Variants in NRXN1 observed in about 807,000 individuals in gnomAD.
The protein encoded by NRXN1 is neurexin 1, also known as neurexin-1.
In NRXN1, 39 loss-of-function variants were observed where a neutral mutation model predicts 150.9. That is an observed-to-expected ratio of 0.26 (90% CI 0.20 to 0.34). NRXN1 has a LOEUF of 0.34. Ranked by LOEUF, NRXN1 falls within the 10% of genes least tolerant of loss-of-function variation. The pLI is 1.00. For missense variants in NRXN1, 1,815 were observed against 1,949.9 expected (o/e 0.93, Z 1.30); for synonymous variants, 924 against 757.0 (o/e 1.22, Z -3.62).
intron 17 of NRXN1, among the ~76,000 whole-genome samples, chr2:50,426,153 TG>T (rs1440746171): frequency 5.5e-4 from 83 of 152,238 alleles, no homozygotes; most frequent in African/African-American, 2.0e-3. Context: ...TAAACTATCA[TG>T]TGGAAACTTG....
At chr2:50,430,916 C>T (rs1163058500) in intron 17 of NRXN1, among the ~76,000 whole-genome samples, 2 of 152,184 alleles carry the variant, frequency 1.3e-5, no homozygotes, top group African/African-American at 4.8e-5. Context: ...TCTTCACCTT[C>T]AAGCTCAGAA....
intron 2 of NRXN1, among the ~76,000 whole-genome samples, chr2:50,956,719 A>AT (rs1247381756): frequency 1.1e-4 from 17 of 151,632 alleles, no homozygotes; most frequent in Admixed American, 1.1e-3. Flanking sequence ...TATCTCAAAA[A>AT]ATATATAATA....
intron 18 of NRXN1, chr2:50,174,724 T>C (rs1574321828): frequency 6.6e-6 from 1 of 152,290 alleles, no homozygotes; most frequent in East Asian, 1.9e-4. Context: ...TTGGAAGGAT[T>C]AAATAAATTA....
At chr2:50,387,343 G>C (rs1284330482) in intron 17 of NRXN1, among the ~76,000 whole-genome samples, 1 of 152,004 alleles carries the variant, frequency 6.6e-6, no homozygotes, top group African/African-American at 2.4e-5. Context: ...TGAGAGATAA[G>C]AAAACACCTG....
intron 21 of NRXN1, among the ~76,000 whole-genome samples, chr2:49,989,201 G>C (rs965907189): frequency 1.3e-5 from 2 of 152,164 alleles, no homozygotes; most frequent in Admixed American, 1.3e-4. Context: ...TTACATTTCT[G>C]GTTCAGGTTG....
chr2:49,923,471 A>C (rs761446938), intron 22 of NRXN1, among the ~76,000 whole-genome samples: 4 of 152,182 alleles, frequency 2.6e-5, no homozygotes, highest in Non-Finnish European at 5.9e-5. Flanking sequence ...AAATAATCTC[A>C]TGATTCCATA....
intron 19 of NRXN1, among the ~76,000 whole-genome samples, chr2:50,073,745 A>T (rs2152672465): frequency 6.6e-6 from 1 of 151,110 alleles, no homozygotes; most frequent in East Asian, 1.9e-4. Flanking sequence ...AATTGAGAAT[A>T]AAAAAAAAGC....
At chr2:50,538,959 C>G (rs2093330561) in intron 9 of NRXN1, among the ~76,000 whole-genome samples, 1 of 152,156 alleles carries the variant, frequency 6.6e-6, no homozygotes, top group African/African-American at 2.4e-5. Context: ...AACTGTAATT[C>G]TGTATCAGTC....
At chr2:50,784,249 C>T (rs1297198660) in intron 5 of NRXN1, among the ~76,000 whole-genome samples, 7 of 152,052 alleles carry the variant, frequency 4.6e-5, no homozygotes, top group Non-Finnish European at 1.0e-4. Context: ...AGGAACTTTG[C>T]TTGTTACACT....
chr2:50,347,482 C>T lies in NRXN1; in HGVS notation c.3365-110512G>A. 1 of 1,067,210 alleles carries T rather than the reference C, an allele frequency of 9.4e-7. No homozygotes were observed. 66.1% of individuals were successfully genotyped at this position (1,067,210 alleles called of 1,614,324 possible). A position where few individuals can be genotyped will look rare whatever the true frequency, so the allele number is the denominator to read the frequency against. On this transcript the variant is annotated intron_variant, in intron 17 of 22. Transcript: ENST00000401669. The surrounding 1 kb of genome is among the most constrained non-coding windows in gnomAD (Gnocchi z 4.9). ...AGACAGAAGCAGACCCCATGGAATCCAGGCGCCCCTTCCCTCCATTCAGCC... is the reference window on the plus strand; with the variant it reads ...AGACAGAAGCAGACCCCATGGAATCTAGGCGCCCCTTCCCTCCATTCAGCC...
At chr2:50,251,481 C>T (rs1308232544) in intron 17 of NRXN1, among the ~76,000 whole-genome samples, 4 of 151,994 alleles carry the variant, frequency 2.6e-5, no homozygotes, top group African/African-American at 9.7e-5. Context: ...AATAGTGCTG[C>T]AATTAACGTT....
chr2:50,482,538 G>A (rs2090548730), intron 15 of NRXN1, among the ~76,000 whole-genome samples: 1 of 152,106 alleles, frequency 6.6e-6, no homozygotes, highest in African/African-American at 2.4e-5. Context: ...CTCTGGGACT[G>A]CATATGGATT....
chr2:50,933,992 A>G (rs1429519918), intron 2 of NRXN1, among the ~76,000 whole-genome samples: 1 of 152,168 alleles, frequency 6.6e-6, no homozygotes, highest in African/African-American at 2.4e-5. Context: ...CATTTCTACC[A>G]AAACAATTTC....
chr2:50,777,947 T>C (rs1703864574), intron 5 of NRXN1, among the ~76,000 whole-genome samples: 1 of 152,178 alleles, frequency 6.6e-6, no homozygotes, highest in South Asian at 2.1e-4. Flanking sequence ...AAATATTAGA[T>C]AATACTATCA....
chr2:50,013,800 T>C (rs1182819131), intron 21 of NRXN1, among the ~76,000 whole-genome samples: 2 of 152,164 alleles, frequency 1.3e-5, no homozygotes, highest in African/African-American at 4.8e-5. Context: ...GGGCACAGCA[T>C]TAATGAAAGA....
intron 21 of NRXN1, among the ~76,000 whole-genome samples, chr2:50,026,218 C>G (rs1393102728): frequency 6.6e-6 from 1 of 152,154 alleles, no homozygotes; most frequent in Non-Finnish European, 1.5e-5. Context: ...ATTTTTAATT[C>G]AACATCTATT....
At chr2:50,056,782 CAT>C (rs1486003389) in intron 19 of NRXN1, among the ~76,000 whole-genome samples, 2 of 152,034 alleles carry the variant, frequency 1.3e-5, no homozygotes, top group African/African-American at 4.8e-5. Context: ...GCATGTTTGA[CAT>C]GTGTAATTTG....
chr2:50,021,150 G>A (rs1048099647), intron 21 of NRXN1, among the ~76,000 whole-genome samples: 1 of 152,150 alleles, frequency 6.6e-6, no homozygotes, highest in African/African-American at 2.4e-5. Flanking sequence ...TTCAGAAGGG[G>A]TAAGATGTAT....
intron 5 of NRXN1, among the ~76,000 whole-genome samples, chr2:50,852,667 T>C (rs1159898895): frequency 3.3e-5 from 5 of 152,208 alleles, no homozygotes; most frequent in African/African-American, 1.2e-4. Flanking sequence ...CTCATTCATA[T>C]ATACACACTA....
Sources: allele counts gnomAD v4.1 joint callset (sites outside exome capture counted in the v4.1 genomes callset), GRCh38; gene constraint gnomAD v4.1.1; non-coding constraint Gnocchi (gnomAD v3.1); transcripts MANE v1.5; gene names NCBI Gene and HGNC (gene_info 2026-07-23, HGNC 2026-07-21).